NKAIN2: variants seen among roughly 807,000 people sequenced by gnomAD.
NKAIN2 encodes sodium/potassium-transporting ATPase subunit beta-1-interacting protein 2.
NKAIN2 carries 14 observed loss-of-function variants against 32.6 expected under a neutral mutation model. That is an observed-to-expected ratio of 0.43 (90% CI 0.28 to 0.67). The LOEUF (loss-of-function observed/expected upper bound fraction) is 0.67. Among genes scored for constraint, NKAIN2 ranks in the 30% least tolerant of loss-of-function variants. The pLI is 0.17. For missense variants in NKAIN2, 198 were observed against 258.3 expected (o/e 0.77, Z 1.60); for synonymous variants, 80 against 87.2 (o/e 0.92, Z 0.46).
chr6:124,648,859 C>T (rs939296113), intron 3 of NKAIN2, among the ~76,000 whole-genome samples: 3 of 152,036 alleles, frequency 2.0e-5, no homozygotes, highest in Non-Finnish European at 2.9e-5. Context: ...TCCCAAAATA[C>T]ATGGAGATTA....
intron 1 of NKAIN2, among the ~76,000 whole-genome samples, chr6:124,270,848 A>G (rs143017811): frequency 2.2e-3 from 338 of 152,312 alleles, no homozygotes; most frequent in African/African-American, 7.7e-3. Context: ...ATATAGATCC[A>G]TGGAAAGACT....
intron 5 of NKAIN2, 144 bp downstream of exon 5, chr6:124,791,543 A>G (rs947827579): frequency 2.0e-6 from 1 of 493,528 alleles, no homozygotes; most frequent in African/African-American, 1.9e-5. Context: ...ATCAGACTAA[A>G]GTGTTTCTCA....
At position 124,486,691 on chromosome 6, in the gene NKAIN2, T is replaced by C. The variant is rs536201952; in HGVS notation, c.273+131344T>C. Reference sequence around the variant, plus strand: ...ATTTGGGAAGCTCTTCTTTACAGAATGCTAAAAAGGAAAGCTTATTCCTGG... The same window carrying C: ...ATTTGGGAAGCTCTTCTTTACAGAACGCTAAAAAGGAAAGCTTATTCCTGG... On this transcript the variant is annotated intron_variant, in intron 3 of 6. Coordinates refer to ENST00000368417, the MANE Select transcript of NKAIN2 (RefSeq NM_001040214.3). Among the ~76,000 whole-genome samples, 4 of 152,258 alleles carry C rather than the reference T, an allele frequency of 2.6e-5. No homozygotes were observed. The South Asian group carries it at 6.2e-4, about 24-fold the overall frequency.
chr6:123,813,921 ACCTATAG>A (rs1773586589), intron 1 of NKAIN2, among the ~76,000 whole-genome samples: 1 of 151,882 alleles, frequency 6.6e-6, no homozygotes, highest in Non-Finnish European at 1.5e-5. Flanking sequence ...TGATTAGTGA[ACCTATAG>A]CCTGAGATTT....
chr6:124,469,073 A>G (rs550271605), intron 3 of NKAIN2, among the ~76,000 whole-genome samples: 2 of 152,274 alleles, frequency 1.3e-5, no homozygotes, highest in South Asian at 4.1e-4. Context: ...CCCAGAGAAC[A>G]CCATGTGAAT....
intron 3 of NKAIN2, among the ~76,000 whole-genome samples, chr6:124,593,038 T>A (rs542256368): frequency 2.6e-5 from 4 of 152,326 alleles, no homozygotes; most frequent in African/African-American, 9.6e-5. Flanking sequence ...GCCCCCATCC[T>A]ATTCCCTTTG....
At chr6:123,906,447 C>T (rs1459638061) in intron 1 of NKAIN2, among the ~76,000 whole-genome samples, 1 of 152,080 alleles carries the variant, frequency 6.6e-6, no homozygotes, top group Non-Finnish European at 1.5e-5. Context: ...TGCGCCATCA[C>T]ATCCAGCTAA....
chr6:124,342,938 A>C (rs1488535303), intron 2 of NKAIN2, among the ~76,000 whole-genome samples: 1 of 150,622 alleles, frequency 6.6e-6, no homozygotes, highest in African/African-American at 2.4e-5. Context: ...CCATTAACTC[A>C]TCATTTAGCA....
At chr6:124,134,670 C>T (rs567971599) in intron 1 of NKAIN2, among the ~76,000 whole-genome samples, 35 of 152,066 alleles carry the variant, frequency 2.3e-4, no homozygotes, top group Admixed American at 1.7e-3. Flanking sequence ...GGCAACAGAG[C>T]GAGACTCCAT....
chr6:124,210,345 T>C (rs933829561), intron 1 of NKAIN2, among the ~76,000 whole-genome samples: 1 of 151,968 alleles, frequency 6.6e-6, no homozygotes, highest in African/African-American at 2.4e-5. Flanking sequence ...TATAACTATG[T>C]AGTATAGTTA....
chr6:124,822,914 CTATAA>C (rs57051263), intron 6 of NKAIN2, among the ~76,000 whole-genome samples: 1,676 of 152,248 alleles, frequency 0.011, 45 homozygotes, highest in African/African-American at 0.038. Flanking sequence ...TAAGAATATC[CTATAA>C]TATATCACAC....
In NKAIN2 at chr6:124,592,540, G is replaced by A. The variant is rs149015704; in HGVS notation, c.274-65646G>A. On this transcript the variant is annotated intron_variant, in intron 3 of 6. Transcript: ENST00000368417. ...AAGGGCATAGAATGGGAAAGCTAAA[G>A]TATGCCTGGGCTATAAAGCTTTAGA... 5.0e-3 allele frequency among the ~76,000 whole-genome samples: 755 copies of A among 152,308 alleles called. 3 individuals are homozygous for A. Among genetic ancestry groups the A allele is most frequent in the Middle Eastern group, 6.8e-3 (2 of 294 alleles).
intron 1 of NKAIN2, among the ~76,000 whole-genome samples, chr6:123,849,579 T>C (rs1042771955): frequency 9.2e-5 from 14 of 152,018 alleles, no homozygotes; most frequent in African/African-American, 3.4e-4. Flanking sequence ...CCCTGCACTT[T>C]CCTATCTCTG....
intron 2 of NKAIN2, among the ~76,000 whole-genome samples, chr6:124,354,109 T>A (rs1798858476): frequency 1.3e-5 from 2 of 152,234 alleles, no homozygotes; most frequent in African/African-American, 4.8e-5. Context: ...CGTTTTAAGC[T>A]TGATTCATCT....
chr6:124,097,042 G>A (rs1382833779), intron 1 of NKAIN2, among the ~76,000 whole-genome samples: 1 of 151,968 alleles, frequency 6.6e-6, no homozygotes, highest in Non-Finnish European at 1.5e-5. Flanking sequence ...TTTTGCTGCT[G>A]GTACTTGATT....
chr6:124,160,833 A>G (rs1000057409), intron 1 of NKAIN2, among the ~76,000 whole-genome samples: 1 of 152,158 alleles, frequency 6.6e-6, no homozygotes, highest in Non-Finnish European at 1.5e-5. Context: ...TTTTAGTTAT[A>G]TGTGTGAGAT....
intron 2 of NKAIN2, among the ~76,000 whole-genome samples, chr6:124,352,260 A>G (rs1481122095): frequency 1.3e-5 from 2 of 152,216 alleles, no homozygotes; most frequent in Non-Finnish European, 2.9e-5. Flanking sequence ...TGGCTAAAAC[A>G]TAAATGTTTC....
At chr6:124,076,264 A>T (rs1783691471) in intron 1 of NKAIN2, among the ~76,000 whole-genome samples, 1 of 152,210 alleles carries the variant, frequency 6.6e-6, no homozygotes, top group Non-Finnish European at 1.5e-5. Flanking sequence ...GAGAATGAGT[A>T]TTAAAAAAGT....
At chr6:123,868,018 A>G (rs9482478) in intron 1 of NKAIN2, among the ~76,000 whole-genome samples, 3,475 of 151,902 alleles carry the variant, frequency 0.023, 83 homozygotes, top group African/African-American at 0.061. Flanking sequence ...ACAGGCGCAC[A>G]CCACCACACC....
Sources: gnomAD v4.1 joint callset for allele counts (sites outside exome capture counted in the v4.1 genomes callset) on GRCh38, gnomAD v4.1.1 for gene constraint, MANE v1.5 for transcripts, NCBI Gene and HGNC (gene_info 2026-07-23, HGNC 2026-07-21) for gene names.